Variants in CSMD1 observed in about 807,000 individuals in gnomAD.
CSMD1 encodes the protein CUB and sushi domain-containing protein 1.
In CSMD1, 213 loss-of-function variants were observed where a neutral mutation model predicts 417.5. That is an observed-to-expected ratio of 0.51 (90% confidence interval 0.46 to 0.57). CSMD1 has a LOEUF of 0.57. Among genes scored for constraint, CSMD1 ranks in the 20% least tolerant of loss-of-function variants. The pLI is 0.00. For synonymous variants in CSMD1, 2,862 were observed against 1,736.8 expected (o/e 1.65, Z -16.11); for missense variants, 6,923 against 4,529.7 (o/e 1.53, Z -15.17).
chr8:4,163,008 A>G (rs10102426), intron 3 of CSMD1, among the ~76,000 whole-genome samples: 59,069 of 151,908 alleles, frequency 0.39, 11,716 homozygotes, highest in Middle Eastern at 0.5. Context: ...TTTCAGACTG[A>G]CTTCTTTCAC....
intron 3 of CSMD1, among the ~76,000 whole-genome samples, chr8:4,414,943 C>T (rs1012965411): frequency 6.6e-6 from 1 of 152,002 alleles, no homozygotes; most frequent in African/African-American, 2.4e-5. Context: ...CTGTCTTCTC[C>T]CTGCATTTAT....
chr8:4,945,711 C>T (rs1161549622), intron 1 of CSMD1, among the ~76,000 whole-genome samples: 1 of 151,992 alleles, frequency 6.6e-6, no homozygotes, highest in Non-Finnish European at 1.5e-5. Flanking sequence ...AAAGAGAAAA[C>T]TAATTACAGC....
At chr8:4,049,157 T>C (rs932630636) in intron 3 of CSMD1, among the ~76,000 whole-genome samples, 3 of 152,166 alleles carry the variant, frequency 2.0e-5, no homozygotes, top group Non-Finnish European at 4.4e-5. Context: ...CTGTTGAACT[T>C]TAATTGTAAC....
chr8:3,611,383 ATTGT>A (rs1157120186), intron 8 of CSMD1, among the ~76,000 whole-genome samples: 3 of 152,230 alleles, frequency 2.0e-5, no homozygotes, highest in East Asian at 3.9e-4. Context: ...CATCTATGTA[ATTGT>A]TTGAGTTTTG....
intron 7 of CSMD1, among the ~76,000 whole-genome samples, chr8:3,637,991 G>A (rs992209586): frequency 6.6e-6 from 1 of 152,124 alleles, no homozygotes; most frequent in African/African-American, 2.4e-5. Context: ...TCAGTTATGT[G>A]GAACCATGAG....
chr8:4,346,495 C>T (rs1352292096), intron 3 of CSMD1, among the ~76,000 whole-genome samples: 1 of 152,104 alleles, frequency 6.6e-6, no homozygotes, highest in Non-Finnish European at 1.5e-5. Flanking sequence ...CTGATAGCCT[C>T]ATGACATTAT....
intron 7 of CSMD1, among the ~76,000 whole-genome samples, chr8:3,691,059 C>T (rs1800211339): frequency 6.6e-6 from 1 of 152,024 alleles, no homozygotes; most frequent in African/African-American, 2.4e-5. Context: ...CACATGGCGA[C>T]ATCCTCTAGC....
chr8:3,676,763 C>G (rs1047768012), intron 7 of CSMD1, among the ~76,000 whole-genome samples: 1 of 152,086 alleles, frequency 6.6e-6, no homozygotes, highest in African/African-American at 2.4e-5. Flanking sequence ...ACACTTGGAA[C>G]CAACCCAAAT....
At chr8:3,108,490 C>G in intron 44 of CSMD1, 113 bp downstream of exon 44, 4 of 1,085,526 alleles carry the variant, frequency 3.7e-6, no homozygotes, top group Non-Finnish European at 5.2e-6. Flanking sequence ...AAGAATCATA[C>G]ACGCCCTCGG....
chr8:3,451,070 G>A (rs1786574077), intron 12 of CSMD1, among the ~76,000 whole-genome samples: 1 of 152,194 alleles, frequency 6.6e-6, no homozygotes, highest in South Asian at 2.1e-4. Flanking sequence ...GGCCAGTGAT[G>A]ACGAGCATTT....
chr8:4,720,734 T>C (rs1377654083), intron 1 of CSMD1, among the ~76,000 whole-genome samples: 1 of 152,192 alleles, frequency 6.6e-6, no homozygotes, highest in African/African-American at 2.4e-5. Context: ...ATAATTTTCT[T>C]ATTTGGAATA....
chr8:4,782,357 T>C (rs1797196397), intron 1 of CSMD1, among the ~76,000 whole-genome samples: 1 of 152,192 alleles, frequency 6.6e-6, no homozygotes, highest in South Asian at 2.1e-4. Flanking sequence ...AAACTACTGA[T>C]TATACCCCAT....
chr8:4,845,988 A>G (rs1390070776), intron 1 of CSMD1, among the ~76,000 whole-genome samples: 1 of 152,210 alleles, frequency 6.6e-6, no homozygotes, highest in African/African-American at 2.4e-5. Context: ...TTGCTGAGTC[A>G]GAACATTATA....
At chr8:4,443,327 G>C (rs140641117) in intron 2 of CSMD1, among the ~76,000 whole-genome samples, 411 of 152,302 alleles carry the variant, frequency 2.7e-3, no homozygotes, top group African/African-American at 9.3e-3. Context: ...TTTAGAGAAA[G>C]TCTACCCACA....
intron 1 of CSMD1, among the ~76,000 whole-genome samples, chr8:4,645,550 T>A (rs193183359): frequency 1.3e-5 from 2 of 151,052 alleles, no homozygotes; most frequent in African/African-American, 2.4e-5. Flanking sequence ...CTTGAACATA[T>A]TGCCTCATGG....
chr8:3,018,759 T>A, intron 51 of CSMD1, 109 bp from the exon 52 acceptor site: 1 of 1,005,862 alleles, frequency 9.9e-7, no homozygotes. Flanking sequence ...CTATTTTTAG[T>A]CTTAATTTTC....
intron 26 of CSMD1, among the ~76,000 whole-genome samples, chr8:3,281,727 A>G (rs1352364498): frequency 3.3e-5 from 5 of 152,194 alleles, no homozygotes; most frequent in Non-Finnish European, 5.9e-5. Context: ...CAGGGAAATG[A>G]CTGTTGGTGA....
At chr8:3,461,132 C>A (rs1370498588) in intron 12 of CSMD1, among the ~76,000 whole-genome samples, 3 of 152,200 alleles carry the variant, frequency 2.0e-5, no homozygotes, top group Non-Finnish European at 4.4e-5. Context: ...CCTCATCGCT[C>A]TGCGGAACTG....
At chr8:3,694,519 G>T (rs529095867) in intron 7 of CSMD1, among the ~76,000 whole-genome samples, 1 of 152,012 alleles carries the variant, frequency 6.6e-6, no homozygotes, top group Non-Finnish European at 1.5e-5. Context: ...CAGTCTTTAA[G>T]ATCAGGAGGC....
Sources: gnomAD v4.1 joint callset for allele counts (sites outside exome capture counted in the v4.1 genomes callset) on GRCh38, gnomAD v4.1.1 for gene constraint, MANE v1.5 for transcripts, NCBI Gene and HGNC (gene_info 2026-07-23, HGNC 2026-07-21) for gene names.